CDH4: variants seen among roughly 807,000 people sequenced by gnomAD.
The protein encoded by CDH4 is cadherin 4, also known as cadherin-4.
In CDH4, 33 loss-of-function variants were observed where a neutral mutation model predicts 86.0. That is an observed-to-expected ratio of 0.38 (90% CI 0.29 to 0.51). CDH4 has a LOEUF of 0.51. CDH4 is among the 20% of genes least tolerant of loss of function. CDH4 has a pLI of 0.86. For synonymous variants in CDH4, 555 were observed against 549.4 expected, an observed-to-expected ratio of 1.01 and a Z score of -0.14; for missense variants, 1,114 against 1,307.4, an observed-to-expected ratio of 0.85 and a Z score of 2.28.
intron 2 of CDH4, among the ~76,000 whole-genome samples, chr20:61,463,791 G>A (rs778211869): frequency 1.3e-5 from 2 of 152,216 alleles, no homozygotes; most frequent in Non-Finnish European, 2.9e-5. Flanking sequence ...AAAGGCGGGA[G>A]GGATATTCAG....
At chr20:61,706,935 G>C (rs551129736) in intron 2 of CDH4, among the ~76,000 whole-genome samples, 1 of 152,258 alleles carries the variant, frequency 6.6e-6, no homozygotes. Flanking sequence ...ACGTGGTGGG[G>C]GCCCTGGTCT....
At chr20:61,778,240 A>G (rs1389053768) in intron 4 of CDH4, among the ~76,000 whole-genome samples, 1 of 152,146 alleles carries the variant, frequency 6.6e-6, no homozygotes, top group Non-Finnish European at 1.5e-5. Flanking sequence ...AATCACAGAG[A>G]CGGTGGTGAA....
In CDH4 at chr20:61,687,376, C is replaced by T. The variant is rs148289462; in HGVS notation, c.170-56187C>T. On this transcript the variant is annotated intron_variant, in intron 2 of 15. Coordinates refer to ENST00000614565, the MANE Select transcript of CDH4 (RefSeq NM_001794.5). ...AGTGACCGTCTGTACTCGGAGGCAG[C>T]GCTGTGCCGGGAGGAATGAAGGTGT... Among the ~76,000 whole-genome samples, 591 of 152,254 alleles carry T rather than the reference C, an allele frequency of 3.9e-3. 2 individuals are homozygous for T. The highest frequency in any genetic ancestry group is 0.011 in the African/African-American group (476 of 41,548).
intron 2 of CDH4, among the ~76,000 whole-genome samples, chr20:61,553,417 C>A (rs570602239): frequency 1.3e-5 from 2 of 152,332 alleles, no homozygotes; most frequent in East Asian, 3.9e-4. Context: ...CACCTAAATG[C>A]GTGGATTTAC....
chr20:61,702,131 T>C (rs997524999), intron 2 of CDH4, among the ~76,000 whole-genome samples: 1 of 152,254 alleles, frequency 6.6e-6, no homozygotes, highest in African/African-American at 2.4e-5. Flanking sequence ...CCTTCAGCTC[T>C]GTTGAGTGGT....
chr20:61,706,415 C>A (rs8123666), intron 2 of CDH4, among the ~76,000 whole-genome samples: 125,131 of 152,156 alleles, frequency 0.82, 52,449 homozygotes, highest in Non-Finnish European at 0.91. Flanking sequence ...TGCCGCAGAC[C>A]CCCTTCTCTC....
intron 2 of CDH4, among the ~76,000 whole-genome samples, chr20:61,529,482 G>A (rs1427982358): frequency 1.3e-5 from 2 of 152,182 alleles, no homozygotes; most frequent in African/African-American, 2.4e-5. Context: ...ACAATCCTGG[G>A]GTGAATGTTG....
At chr20:61,301,424 G>A (rs1419848749) in intron 2 of CDH4, among the ~76,000 whole-genome samples, 1 of 152,180 alleles carries the variant, frequency 6.6e-6, no homozygotes, top group African/African-American at 2.4e-5. Flanking sequence ...GTACTCACTG[G>A]CCTGGGCGTG....
rs1398236331 is a variant in CDH4, at chr20:61,298,450, G to A, written c.169+43513G>A. 2.0e-5 allele frequency among the ~76,000 whole-genome samples: 3 copies of A among 152,016 alleles called. No homozygotes were observed. The East Asian group carries it at 5.8e-4, about 30-fold the overall frequency. ...ACCCCTTCCTCCCGCACTTCCCCACGTTCCTCTCTCCTGGATTGGATTTCT... is the reference window on the plus strand; with the variant it reads ...ACCCCTTCCTCCCGCACTTCCCCACATTCCTCTCTCCTGGATTGGATTTCT... On this transcript the variant is annotated intron_variant, in intron 2 of 15. Coordinates refer to ENST00000614565, the MANE Select transcript of CDH4 (RefSeq NM_001794.5).
At chr20:61,786,223 C>T (rs1055442365) in intron 4 of CDH4, among the ~76,000 whole-genome samples, 3 of 152,178 alleles carry the variant, frequency 2.0e-5, no homozygotes, top group African/African-American at 7.2e-5. Context: ...CCATCACCTA[C>T]ACTTCAGGGC....
intron 2 of CDH4, among the ~76,000 whole-genome samples, chr20:61,653,196 T>G (rs2087143665): frequency 2.3e-5 from 3 of 129,676 alleles, no homozygotes; most frequent in Admixed American, 7.6e-5. Flanking sequence ...GCACCGCCCT[T>G]AATCCATTTA....
At chr20:61,367,408 A>G (rs1366287470) in intron 2 of CDH4, among the ~76,000 whole-genome samples, 1 of 152,192 alleles carries the variant, frequency 6.6e-6, no homozygotes, top group Non-Finnish European at 1.5e-5. Flanking sequence ...AAAAAAAAAC[A>G]ATGGAGAAAG....
chr20:61,315,549 C>T (rs2084471691), intron 2 of CDH4, among the ~76,000 whole-genome samples: 1 of 152,162 alleles, frequency 6.6e-6, no homozygotes, highest in Non-Finnish European at 1.5e-5. Flanking sequence ...TGAATGATGC[C>T]AAGAAACTCG....
intron 4 of CDH4, among the ~76,000 whole-genome samples, chr20:61,837,305 G>A (rs193104961): frequency 6.6e-5 from 10 of 152,338 alleles, no homozygotes; most frequent in Admixed American, 2.6e-4. Context: ...ATCCAGGGGC[G>A]CTGAGAAGAC....
chr20:61,749,678 G>A (rs192629969), intron 3 of CDH4, among the ~76,000 whole-genome samples: 1 of 152,176 alleles, frequency 6.6e-6, no homozygotes, highest in African/African-American at 2.4e-5. Flanking sequence ...TGAATATTTT[G>A]AACTGAGTAA....
chr20:61,368,059 T>C lies in CDH4; in HGVS notation c.169+113122T>C, dbSNP rs1173679420. ...CTAACTTTTGTATTTTTAGTAGAGA[T>C]GGGGTTTCACCATGTTGGTCAGGCT... On this transcript the variant is annotated intron_variant, in intron 2 of 15. Coordinates refer to ENST00000614565, the MANE Select transcript of CDH4 (RefSeq NM_001794.5). Among the ~76,000 whole-genome samples, 4 of 151,940 alleles carry C rather than the reference T, an allele frequency of 2.6e-5. No individual in the cohort carries two copies. In the East Asian group the frequency reaches 7.7e-4, roughly 29 times the overall value.
chr20:61,609,161 A>G (rs2086666110), intron 2 of CDH4, among the ~76,000 whole-genome samples: 1 of 152,228 alleles, frequency 6.6e-6, no homozygotes, highest in African/African-American at 2.4e-5. Flanking sequence ...CATTATAGGA[A>G]GGACATCTCA....
intron 2 of CDH4, among the ~76,000 whole-genome samples, chr20:61,600,981 G>T (rs1021405508): frequency 6.6e-6 from 1 of 152,148 alleles, no homozygotes; most frequent in Non-Finnish European, 1.5e-5. Context: ...TAGGCACCTT[G>T]CCTGAGTGCC....
rs1445817848 is a variant in CDH4, at chr20:61,934,091, C to G, written c.2415C>G (p.Ala805=). ...YDLSQLQQPE[A]MGHVPSKAPG... Reference sequence around the variant, plus strand: ...TCAGCCAGCTGCAGCAGCCGGAAGCCATGGGGCACGTGCCAAGCAAAGCCC... The same window carrying G: ...TCAGCCAGCTGCAGCAGCCGGAAGCGATGGGGCACGTGCCAAGCAAAGCCC... The change falls in exon 15 of 16, where the codon GCC becomes GCG. Residue 805 remains alanine (A), a synonymous_variant. Transcript: ENST00000614565. 1 of 1,611,406 alleles carries G rather than the reference C, an allele frequency of 6.2e-7. No homozygotes were observed. Among genetic ancestry groups the G allele is most frequent in the South Asian group, 1.1e-5 (1 of 91,004 alleles).
Sources: allele counts gnomAD v4.1 joint callset (sites outside exome capture counted in the v4.1 genomes callset), GRCh38; gene constraint gnomAD v4.1.1; transcripts MANE v1.5; gene names NCBI Gene and HGNC (gene_info 2026-07-23, HGNC 2026-07-21).